The following RBM14 variants were observed in gnomAD, a reference collection of about 807,000 sequenced individuals.
The protein encoded by RBM14 is RNA-binding protein 14.
A neutral mutation model predicts 52.8 loss-of-function variants in RBM14; 5 were observed. The ratio of observed to expected loss-of-function variants is 0.09; its 90% confidence interval spans 0.05 to 0.20. The LOEUF (loss-of-function observed/expected upper bound fraction) is 0.20. Among genes scored for constraint, RBM14 ranks in the 10% least tolerant of loss-of-function variants. The pLI is 1.00. For synonymous variants in RBM14, 411 were observed against 401.8 expected, an observed-to-expected ratio of 1.02 and a Z score of -0.28; for missense variants, 780 against 926.6, an observed-to-expected ratio of 0.84 and a Z score of 2.05.
rs773352601 is a variant in RBM14, at chr11:66,624,814, C to T, written c.938C>T (p.Ser313Leu). 2.5e-5 allele frequency: 40 copies of T among 1,614,002 alleles called. No homozygotes were observed. The highest frequency in any genetic ancestry group is 5.5e-5 in the South Asian group (5 of 91,096). The change falls in exon 2 of 3, where the codon TCG becomes TTG. Residue 313 changes from serine to leucine, a missense_variant. Ser to Leu is a moderately radical substitution (Grantham distance 145). Around this residue, in one of 4 missense-constraint regions of RBM14, gnomAD observed 675 missense variants for 697.3 expected, o/e 0.97. Coordinates refer to ENST00000310137, the MANE Select transcript of RBM14 (RefSeq NM_006328.4). This position sits in a 1 kb window ranked among gnomAD's most constrained non-coding sequence, Gnocchi z 4.7. The part of the protein sequence containing the change: ...GPYGGAQPSA[S>L]ALSSYGGQAA... ...TATGGTGGAGCCCAGCCCTCAGCCT[C>T]GGCCCTTTCCTCCTATGGGGGTCAG... is the stretch of plus-strand genomic sequence containing the variant.
intron 1 of RBM14, chr11:66,617,562 C>T: frequency 3.0e-6 from 3 of 989,308 alleles, no homozygotes; most frequent in Non-Finnish European, 3.6e-6. Flanking sequence ...TAACGGGGCC[C>T]TTGGACGTTT....
In RBM14 at chr11:66,617,067, AGGCGCGCTCGGGGGCGGG is replaced by A. The variant is rs747332869; in HGVS notation, c.337+24_337+41del. The A allele has an allele frequency of 9.8e-5, 153 of 1,561,526 alleles. No individual in the cohort carries two copies. The highest frequency in any genetic ancestry group is 2.7e-4 in the East Asian group (12 of 44,194). ...TGTGACGTGGTGAAAGGTAACGCGGAGGCGCGCTCGGGGGCGGGGGCGCGCTCGGGGCACTCTGCCTGT... is the reference window on the plus strand; with the variant it reads ...TGTGACGTGGTGAAAGGTAACGCGGAGGCGCGCTCGGGGCACTCTGCCTGT... On this transcript the variant is annotated intron_variant, in intron 1 of 2. Transcript: ENST00000310137.
rs754885651 is a variant in RBM14, at chr11:66,624,512, C to T, written c.636C>T (p.Arg212=). The change falls in exon 2 of 3, where the codon CGC becomes CGT. Residue 212 remains arginine, a synonymous_variant. Coordinates refer to ENST00000310137, the MANE Select transcript of RBM14 (RefSeq NM_006328.4). The surrounding 1 kb of genome is among the most constrained non-coding windows in gnomAD (Gnocchi z 4.7). ...AGCCCACACCACCCTTCTTTGGTCG[C>T]GACCGCAGCCCTCTGCGCCGTTCAC... ...ARQPTPPFFG[R]DRSPLRRSPP... The T allele has an allele frequency of 4.2e-5, 67 of 1,612,740 alleles. No homozygotes were observed. Among genetic ancestry groups the T allele is most frequent in the Middle Eastern group, 1.6e-4 (1 of 6,084 alleles).
At chr11:66,618,898 C>T (rs947780877) in intron 1 of RBM14, 3 of 263,914 alleles carry the variant, frequency 1.1e-5, no homozygotes, top group Non-Finnish European at 7.2e-6. Context: ...ATTTTTAGAA[C>T]TCCTGGCTGA....
Position 66,628,077 on chromosome 11 carries a change from G to A in RBM14, c.*1409G>A, listed in dbSNP as rs1937896340. Among the ~76,000 whole-genome samples the A allele has an allele frequency of 6.6e-6, 1 of 152,188 alleles. No homozygotes were observed. The highest frequency in any genetic ancestry group is 2.1e-4 in the South Asian group (1 of 4,836). On this transcript the variant is annotated 3_prime_UTR_variant, in exon 3 of 3. Transcript: ENST00000310137. ...TTTGAAGGTATAGAATCTGGGAAAG[G>A]GTGGGGTGCAAGCTAACCAAATAGG...
At chr11:66,617,214 CCCT>C (rs949083846) in intron 1 of RBM14, 157 bp downstream of exon 1, 4 of 1,430,482 alleles carry the variant, frequency 2.8e-6, no homozygotes, top group African/African-American at 2.9e-5. Context: ...GGTAGAGCCA[CCCT>C]CCTCCCCTGC....
rs1393732030 is a variant in RBM14, at chr11:66,626,803, C to A, written c.*135C>A. On this transcript the variant is annotated 3_prime_UTR_variant, in exon 3 of 3. Transcript: ENST00000310137. ...TCATGCCCTCTACCATGTGGGCCTT[C>A]CCCAGGAGATGATCCTGTTAAGTGT... The A allele has an allele frequency of 4.8e-6, 4 of 839,264 alleles. No individual in the cohort carries two copies. The highest frequency in any genetic ancestry group is 7.2e-6 in the Non-Finnish European group (4 of 554,962). 52.0% of individuals were successfully genotyped at this position (839,264 alleles called of 1,614,324 possible).
intron 1 of RBM14, among the ~76,000 whole-genome samples, chr11:66,623,332 A>G (rs1859201028): frequency 6.6e-6 from 1 of 152,224 alleles, no homozygotes; most frequent in Non-Finnish European, 1.5e-5. Flanking sequence ...TTCTATTCCC[A>G]TACCTCATTG....
rs1202143508 is a variant in RBM14, at chr11:66,626,851, C to T, written c.*183C>T. On this transcript the variant is annotated 3_prime_UTR_variant, in exon 3 of 3. Coordinates refer to ENST00000310137, the MANE Select transcript of RBM14 (RefSeq NM_006328.4). ...TGTTCGGCAGTAACCTACTTTGTTC[C>T]TTCGCCTCAGCAGCAAATCTTGCTA... 4.9e-6 allele frequency: 3 copies of T among 612,802 alleles called. No homozygotes were observed. The highest frequency in any genetic ancestry group is 1.9e-5 in the African/African-American group (1 of 53,782). The allele number at this position is 612,802 out of a possible 1,614,324, so 38.0% of individuals were successfully genotyped here.
chr11:66,618,397 A>G (rs1287127457), intron 1 of RBM14: 2 of 681,032 alleles, frequency 2.9e-6, no homozygotes, highest in Non-Finnish European at 5.5e-6. Flanking sequence ...GGCCATTCCT[A>G]GTCCTTTAAG....
In RBM14 at chr11:66,629,687, G is replaced by C. The variant is rs1020413549; in HGVS notation, c.*3019G>C. 1.3e-5 allele frequency among the ~76,000 whole-genome samples: 2 copies of C among 152,172 alleles called. No individual in the cohort carries two copies. Among genetic ancestry groups the C allele is most frequent in the Non-Finnish European group, 2.9e-5 (2 of 68,032 alleles). ...AATTTTACAATCTATAGGTACCTTTGAAAGGTCATAAAGGGTAAAAGTCTA... is the reference window on the plus strand; with the variant it reads ...AATTTTACAATCTATAGGTACCTTTCAAAGGTCATAAAGGGTAAAAGTCTA... On this transcript the variant is annotated 3_prime_UTR_variant, in exon 3 of 3. Coordinates refer to ENST00000310137, the MANE Select transcript of RBM14 (RefSeq NM_006328.4).
At chr11:66,617,088 C>T in intron 1 of RBM14, 31 bp downstream of exon 1, 2 of 1,550,380 alleles carry the variant, frequency 1.3e-6, no homozygotes, top group Middle Eastern at 1.8e-4. Context: ...GGGGCGGGGG[C>T]GCGCTCGGGG....
Position 66,624,716 on chromosome 11 carries a change from C to T in RBM14, c.840C>T (p.Ser280=), listed in dbSNP as rs146815709. ...AASYRAQPSV[S]LGAPYRGQLA... The stretch of plus-strand genomic sequence containing the variant: ...CTTACCGCGCTCAGCCCTCTGTCTC[C>T]CTTGGGGCACCATACAGGGGCCAGC... The change falls in exon 2 of 3, where the codon TCC becomes TCT. Residue 280 remains serine, a synonymous_variant. Transcript: ENST00000310137. This position sits in a 1 kb window ranked among gnomAD's most constrained non-coding sequence, Gnocchi z 4.7. 24 of 1,613,758 alleles carry T rather than the reference C, an allele frequency of 1.5e-5. No individual in the cohort carries two copies. Among genetic ancestry groups the T allele is most frequent in the Non-Finnish European group, 1.9e-5 (22 of 1,179,942 alleles).
At chr11:66,617,435 C>T in intron 1 of RBM14, 2 of 1,050,958 alleles carry the variant, frequency 1.9e-6, no homozygotes, top group Non-Finnish European at 2.3e-6. Context: ...AAGATTTCTC[C>T]ACTTCCCCAC....
rs1411878719 is a variant in RBM14 at position 66,628,097 on chromosome 11, A to G, written c.*1429A>G. Among the ~76,000 whole-genome samples the G allele has an allele frequency of 1.3e-5, 2 of 152,026 alleles. No individual in the cohort carries two copies. Among genetic ancestry groups the G allele is most frequent in the African/African-American group, 4.8e-5 (2 of 41,380 alleles). ...GAAAGGGTGGGGTGCAAGCTAACCA[A>G]ATAGGGATGCTAGGGTTGGGTGGGG... On this transcript the variant is annotated 3_prime_UTR_variant, in exon 3 of 3. Transcript: ENST00000310137.
chr11:66,617,845 G>C lies in RBM14; in HGVS notation c.337+788G>C, dbSNP rs1166564964. Among the ~76,000 whole-genome samples, 3 of 152,306 alleles carry C rather than the reference G, an allele frequency of 2.0e-5. No homozygotes were observed. The South Asian group carries it at 6.2e-4, about 32-fold the overall frequency. On this transcript the variant is annotated intron_variant, in intron 1 of 2. Coordinates refer to ENST00000310137, the MANE Select transcript of RBM14 (RefSeq NM_006328.4). ...TGCGTAGTCTTTACATGCCAAGCCA[G>C]TGCCCTAGGGCAGTGTCATTCTTTT...
chr11:66,626,182 C>T (rs1029040704), intron 2 of RBM14, among the ~76,000 whole-genome samples: 1 of 152,208 alleles, frequency 6.6e-6, no homozygotes, highest in Non-Finnish European at 1.5e-5. Flanking sequence ...GGCCCAGGGG[C>T]GGAGATAGTT....
intron 1 of RBM14, among the ~76,000 whole-genome samples, chr11:66,623,482 C>CT (rs1422210132): frequency 2.6e-5 from 4 of 152,210 alleles, no homozygotes; most frequent in Non-Finnish European, 4.4e-5. Context: ...GGTCCTGACT[C>CT]TAACACACTT....
chr11:66,626,392 TCCCCAATGCCCA>T, intron 2 of RBM14, 57 bp from the exon 3 acceptor site: 1 of 1,433,066 alleles, frequency 7.0e-7, no homozygotes, highest in Non-Finnish European at 9.7e-7. Flanking sequence ...CATTGGCATC[TCCCCAATGCCCA>T]CCTGGAGTCC....
Sources: gnomAD v4.1 joint callset for allele counts (sites outside exome capture counted in the v4.1 genomes callset) on GRCh38, gnomAD v4.1.1 for gene constraint, gnomAD v4.1.1 regional missense constraint, Gnocchi (gnomAD v3.1) non-coding constraint, MANE v1.5 for transcripts, NCBI Gene and HGNC (gene_info 2026-07-23, HGNC 2026-07-21) for gene names.